The following GALM variants were observed in gnomAD, a reference collection of about 807,000 sequenced individuals.
GALM encodes galactose mutarotase.
Under a neutral mutation model 37.4 loss-of-function variants are expected in GALM, and 43 were observed. The observed-to-expected ratio is 1.15, with a 90% confidence interval of 0.90 to 1.48. The LOEUF (loss-of-function observed/expected upper bound fraction) is 1.48, where lower values mean the gene tolerates loss of function less well. Among genes scored for constraint, GALM ranks in the 40% most tolerant of loss-of-function variants. The pLI is 0.00. For synonymous variants in GALM, 199 were observed against 170.6 expected (o/e 1.17, Z -1.30); for missense variants, 456 against 419.1 (o/e 1.09, Z -0.77).
At chr2:38,673,820 A>G (rs908972140) in intron 1 of GALM, among the ~76,000 whole-genome samples, 4 of 150,656 alleles carry the variant, frequency 2.7e-5, no homozygotes, top group Non-Finnish European at 5.9e-5. Flanking sequence ...AAAAAAAAAA[A>G]AAAAGGGAAC....
intron 4 of GALM, among the ~76,000 whole-genome samples, chr2:38,699,102 C>T (rs1236462420): frequency 1.3e-5 from 2 of 151,238 alleles, no homozygotes; most frequent in East Asian, 2.0e-4. Flanking sequence ...TTAGTAGAGA[C>T]GGGGTTTCAC....
At chr2:38,705,888 A>AGTG (rs2148445755) in intron 4 of GALM, among the ~76,000 whole-genome samples, 1 of 152,074 alleles carries the variant, frequency 6.6e-6, no homozygotes, top group South Asian at 2.1e-4. Flanking sequence ...CCCAGGCTGG[A>AGTG]GTGCAGTGGC....
chr2:38,712,326 T>C (rs1666187863), intron 4 of GALM, among the ~76,000 whole-genome samples: 1 of 152,208 alleles, frequency 6.6e-6, no homozygotes, highest in Non-Finnish European at 1.5e-5. Context: ...GCATATCTCC[T>C]GAAGCTCCCT....
In GALM at chr2:38,666,227, C is replaced by T. The variant is rs1166592976; in HGVS notation, c.66C>T (p.Phe22=). 20 of 1,613,892 alleles carry T rather than the reference C, an allele frequency of 1.2e-5. No individual in the cohort carries two copies. Among genetic ancestry groups the T allele is most frequent in the Non-Finnish European group, 1.7e-5 (20 of 1,179,940 alleles). ...LPSGGGTVEK[F]QLQSDLLRVD... is the part of the protein sequence containing the mutation. ...CGGGAGGAGGGACAGTGGAGAAGTT[C>T]CAGCTGCAGTCAGACCTCTTGAGAG... The change falls in exon 1 of 7, where the codon TTC becomes TTT. Residue 22 remains phenylalanine (F), a synonymous_variant. Coordinates refer to ENST00000272252, the MANE Select transcript of GALM (RefSeq NM_138801.3).
At chr2:38,707,352 C>T (rs999048062) in intron 4 of GALM, among the ~76,000 whole-genome samples, 1 of 151,938 alleles carries the variant, frequency 6.6e-6, no homozygotes, top group African/African-American at 2.4e-5. Flanking sequence ...AGGACCAAAC[C>T]CTGGGAAACT....
chr2:38,667,283 G>A (rs1032683370), intron 1 of GALM, among the ~76,000 whole-genome samples: 8 of 152,026 alleles, frequency 5.3e-5, no homozygotes, highest in Non-Finnish European at 1.2e-4. Flanking sequence ...GAGGTTTGAG[G>A]TTTTCCTTTT....
chr2:38,727,706 C>G (rs958840436), intron 4 of GALM, among the ~76,000 whole-genome samples: 8 of 136,986 alleles, frequency 5.8e-5, no homozygotes, highest in African/African-American at 1.9e-4. Context: ...GCCCAGGCAA[C>G]AGAGGGAGAC....
At chr2:38,681,186 T>A in intron 2 of GALM, 94 bp from the exon 3 acceptor site, 1 of 1,045,338 alleles carries the variant, frequency 9.6e-7, no homozygotes, top group South Asian at 1.3e-5. Context: ...GTATAACCAT[T>A]TTCCTTGTGA....
At chr2:38,722,030 TCCCCCCCCCAC>T (rs1666386852) in intron 4 of GALM, among the ~76,000 whole-genome samples, 3 of 41,384 alleles carry the variant, frequency 7.2e-5, no homozygotes, top group Non-Finnish European at 1.2e-4. Context: ...TGCCTTCCCT[TCCCCCCCCCAC>T]CCCCCCCCCC....
rs1239583812 is a variant in GALM at position 38,702,413 on chromosome 2, G to A, written c.634+12519G>A. ...AAAAACAAAAACAAAAATGATCTCCGAGCATGCCTCCCTCACACCCCACCC... is the reference window on the plus strand; with the variant it reads ...AAAAACAAAAACAAAAATGATCTCCAAGCATGCCTCCCTCACACCCCACCC... On this transcript the variant is annotated intron_variant, in intron 4 of 6. Coordinates refer to ENST00000272252, the MANE Select transcript of GALM (RefSeq NM_138801.3). 4.6e-5 allele frequency among the ~76,000 whole-genome samples: 7 copies of A among 151,696 alleles called. No individual in the cohort carries two copies. In the East Asian group the frequency reaches 7.8e-4, roughly 17 times the overall value.
chr2:38,670,722 C>A (rs1665079412), intron 1 of GALM, among the ~76,000 whole-genome samples: 1 of 152,186 alleles, frequency 6.6e-6, no homozygotes, highest in Non-Finnish European at 1.5e-5. Flanking sequence ...CCCCCAAATA[C>A]CATCTCTGAC....
intron 3 of GALM, among the ~76,000 whole-genome samples, chr2:38,685,580 T>A (rs1201200745): frequency 6.6e-6 from 1 of 152,218 alleles, no homozygotes; most frequent in Non-Finnish European, 1.5e-5. Flanking sequence ...GGTCTGTTTG[T>A]GAATCAGCAT....
At chr2:38,699,255 C>G (rs1000542998) in intron 4 of GALM, among the ~76,000 whole-genome samples, 4 of 152,112 alleles carry the variant, frequency 2.6e-5, no homozygotes, top group Admixed American at 2.6e-4. Context: ...TACTTGATAT[C>G]TAATACATAT....
intron 2 of GALM, among the ~76,000 whole-genome samples, chr2:38,676,554 G>C (rs1665264799): frequency 6.6e-6 from 1 of 152,200 alleles, no homozygotes; most frequent in Non-Finnish European, 1.5e-5. Flanking sequence ...CCTGAGGTCA[G>C]GAGTTTAAGA....
chr2:38,729,648 G>T lies in GALM; in HGVS notation c.727G>T (p.Asp243Tyr), dbSNP rs1357585168. The part of the protein sequence containing the change: ...HLQDFHLNGF[D>Y]HNFCLKGSKE... ...GCAGGACTTCCATCTCAATGGTTTT[G>T]ACCACAATTTCTGTCTGAAGGGATC... Residue 243 changes from aspartate (D) to tyrosine (Y), a missense_variant, in exon 5 of 7, where the codon GAC (aspartate) becomes TAC (tyrosine). Physicochemically the swap from Asp to Tyr is radical, Grantham distance 160 (BLOSUM62 -3). Transcript: ENST00000272252. 3.1e-6 allele frequency: 5 copies of T among 1,613,648 alleles called. No individual in the cohort carries two copies. In the South Asian group the frequency reaches 4.4e-5, roughly 14 times the overall value.
rs3097715 is a variant in GALM, at chr2:38,729,913, T to C, written c.776+216T>C. Among the ~76,000 whole-genome samples the C allele has an allele frequency of 0.99, 151,406 of 152,202 alleles. 75,309 individuals are homozygous for C. Among genetic ancestry groups the C allele is most frequent in the Middle Eastern group, 1 (294 of 294 alleles). On this transcript the variant is annotated intron_variant, in intron 5 of 6. Coordinates refer to ENST00000272252, the MANE Select transcript of GALM (RefSeq NM_138801.3). ...TGCCATTACCCCTATTCCCCCTGCTTGGCACCCGCTCTCTCCCTCTCTGCC... is the reference window on the plus strand; with the variant it reads ...TGCCATTACCCCTATTCCCCCTGCTCGGCACCCGCTCTCTCCCTCTCTGCC...
intron 4 of GALM, among the ~76,000 whole-genome samples, chr2:38,699,106 G>A (rs192276271): frequency 6.7e-6 from 1 of 150,136 alleles, no homozygotes; most frequent in Non-Finnish European, 1.5e-5. Context: ...TAGAGACGGG[G>A]TTTCACCATG....
chr2:38,680,737 A>G (rs960032720), intron 2 of GALM, among the ~76,000 whole-genome samples: 1 of 152,182 alleles, frequency 6.6e-6, no homozygotes, highest in South Asian at 2.1e-4. Flanking sequence ...AAGAAAAATC[A>G]TCAAAGAAGA....
At chr2:38,687,002 C>G (rs536166421) in intron 3 of GALM, among the ~76,000 whole-genome samples, 12 of 152,312 alleles carry the variant, frequency 7.9e-5, no homozygotes, top group African/African-American at 2.6e-4. Context: ...GGCTGCAGCT[C>G]CCAGTTTAGC....
Sources: gnomAD v4.1 joint callset for allele counts (sites outside exome capture counted in the v4.1 genomes callset) on GRCh38, gnomAD v4.1.1 for gene constraint, MANE v1.5 for transcripts, NCBI Gene and HGNC (gene_info 2026-07-23, HGNC 2026-07-21) for gene names.